The following PARN variants were observed in gnomAD, a reference collection of about 807,000 sequenced individuals.
PARN encodes the protein poly(A)-specific ribonuclease PARN.
A neutral mutation model predicts 102.8 loss-of-function variants in PARN; 71 were observed. The ratio of observed to expected loss-of-function variants is 0.69; its 90% CI spans 0.57 to 0.84. PARN has a LOEUF of 0.84. Ranked by LOEUF, PARN falls within the 40% of genes least tolerant of loss-of-function variation. PARN has a pLI of 0.00. For missense variants in PARN, 782 were observed against 760.9 expected, an observed-to-expected ratio of 1.03 and a Z score of -0.33; for synonymous variants, 261 against 252.9, an observed-to-expected ratio of 1.03 and a Z score of -0.30.
At chr16:14,440,015 AAACAAC>A (rs554595692) in intron 23 of PARN, among the ~76,000 whole-genome samples, 9 of 151,946 alleles carry the variant, frequency 5.9e-5, no homozygotes, top group East Asian at 1.9e-4. Context: ...ACTGTCTCGA[AAACAAC>A]AACAACAACA....
At chr16:14,532,420 C>T (rs927653901) in intron 21 of PARN, among the ~76,000 whole-genome samples, 26 of 152,008 alleles carry the variant, frequency 1.7e-4, no homozygotes, top group Non-Finnish European at 3.2e-4. Flanking sequence ...TAACAAAGCA[C>T]ATCTTGCACC....
At chr16:14,477,754 G>C (rs1963148607) in intron 22 of PARN, among the ~76,000 whole-genome samples, 1 of 151,918 alleles carries the variant, frequency 6.6e-6, no homozygotes, top group South Asian at 2.1e-4. Flanking sequence ...ACTCCAGCCT[G>C]GCAACACAGC....
At chr16:14,562,876 G>A (rs1968159952) in intron 18 of PARN, among the ~76,000 whole-genome samples, 1 of 152,178 alleles carries the variant, frequency 6.6e-6, no homozygotes, top group Admixed American at 6.5e-5. Flanking sequence ...ATTATGTTAA[G>A]TACAAGCACA....
intron 18 of PARN, among the ~76,000 whole-genome samples, chr16:14,563,253 AGAG>A (rs1251117573): frequency 6.6e-6 from 1 of 152,224 alleles, no homozygotes; most frequent in Admixed American, 6.5e-5. Context: ...AACTGATGGC[AGAG>A]GAGGAGCGTG....
chr16:14,582,003 A>G (rs1969560560), intron 17 of PARN, among the ~76,000 whole-genome samples, 178 bp downstream of exon 17: 1 of 152,212 alleles, frequency 6.6e-6, no homozygotes, highest in Admixed American at 6.5e-5. Flanking sequence ...CTCTCACCAG[A>G]TACTAGGTCT....
intron 13 of PARN, among the ~76,000 whole-genome samples, chr16:14,589,663 C>T (rs560794558): frequency 6.6e-6 from 1 of 152,002 alleles, no homozygotes; most frequent in South Asian, 2.1e-4. Flanking sequence ...GTCAGGAATT[C>T]GAGACCGGCC....
intron 12 of PARN, among the ~76,000 whole-genome samples, chr16:14,597,683 C>T (rs1970608181): frequency 6.8e-6 from 1 of 147,522 alleles, no homozygotes; most frequent in Non-Finnish European, 1.5e-5. Flanking sequence ...GGCGACAAAG[C>T]AAGACTCCAT....
At chr16:14,582,615 T>C (rs962847993) in intron 16 of PARN, among the ~76,000 whole-genome samples, 1 of 151,710 alleles carries the variant, frequency 6.6e-6, no homozygotes, top group Non-Finnish European at 1.5e-5. Flanking sequence ...CTGCTTGCTT[T>C]CTAAGGCCAT....
At chr16:14,451,487 G>A (rs542174823) in intron 22 of PARN, among the ~76,000 whole-genome samples, 2 of 152,190 alleles carry the variant, frequency 1.3e-5, no homozygotes, top group South Asian at 4.2e-4. Context: ...CAACAACACG[G>A]ATGAATCTCA....
At chr16:14,473,100 T>C (rs1353950732) in intron 22 of PARN, among the ~76,000 whole-genome samples, 1 of 152,136 alleles carries the variant, frequency 6.6e-6, no homozygotes, top group Non-Finnish European at 1.5e-5. Flanking sequence ...ATAGTAGTAA[T>C]CAGGATACAT....
intron 18 of PARN, among the ~76,000 whole-genome samples, chr16:14,568,638 G>A (rs1322908062): frequency 2.6e-5 from 4 of 151,892 alleles, no homozygotes; most frequent in African/African-American, 4.8e-5. Flanking sequence ...GGCAGGGCAC[G>A]GTGGCCCACG....
At chr16:14,563,391 T>G (rs1968198350) in intron 18 of PARN, among the ~76,000 whole-genome samples, 2 of 152,084 alleles carry the variant, frequency 1.3e-5, no homozygotes, top group African/African-American at 4.8e-5. Flanking sequence ...AGGTTGTGAG[T>G]GTACCATGAC....
At chr16:14,488,332 A>T (rs1335630062) in intron 21 of PARN, among the ~76,000 whole-genome samples, 2 of 152,258 alleles carry the variant, frequency 1.3e-5, no homozygotes, top group African/African-American at 4.8e-5. Flanking sequence ...TGAAGTAGGG[A>T]AGAATTTACA....
intron 10 of PARN, 74 bp downstream of exon 10, chr16:14,606,410 A>AG: frequency 5.7e-6 from 4 of 707,666 alleles, no homozygotes; most frequent in Admixed American, 3.6e-5. Flanking sequence ...AAAAAAAAAG[A>AG]AAAAAAAAAG....
chr16:14,443,922 C>T (rs1236644226), intron 23 of PARN, among the ~76,000 whole-genome samples: 1 of 152,112 alleles, frequency 6.6e-6, no homozygotes, highest in Non-Finnish European at 1.5e-5. Flanking sequence ...CAGACTTTGT[C>T]GCGCCGTGCC....
At chr16:14,617,068 T>G (rs77396841) in intron 6 of PARN, among the ~76,000 whole-genome samples, 31 of 136,004 alleles carry the variant, frequency 2.3e-4, no homozygotes, top group African/African-American at 7.4e-4. Flanking sequence ...ATGTTTTTTG[T>G]TTTTTTTTAA....
intron 21 of PARN, among the ~76,000 whole-genome samples, chr16:14,497,918 G>A (rs1394491811): frequency 6.6e-6 from 1 of 152,068 alleles, no homozygotes. Context: ...GGACATGAGA[G>A]CAAGAGACCA....
chr16:14,568,621 G>A (rs184827256), intron 18 of PARN, among the ~76,000 whole-genome samples: 88 of 151,950 alleles, frequency 5.8e-4, no homozygotes, highest in African/African-American at 1.6e-3. Flanking sequence ...AAAAAATGCC[G>A]GGCGCTGGCA....
At chr16:14,500,078 G>C (rs909593229) in intron 21 of PARN, among the ~76,000 whole-genome samples, 1 of 152,082 alleles carries the variant, frequency 6.6e-6, no homozygotes, top group African/African-American at 2.4e-5. Flanking sequence ...TGTTTTTTGA[G>C]ACAGTCTCAC....
Sources: gnomAD v4.1 joint callset for allele counts (sites outside exome capture counted in the v4.1 genomes callset) on GRCh38, gnomAD v4.1.1 for gene constraint, MANE v1.5 for transcripts, NCBI Gene and HGNC (gene_info 2026-07-23, HGNC 2026-07-21) for gene names.